The following IGSF21 variants were observed in gnomAD, a reference collection of about 807,000 sequenced individuals.
IGSF21 encodes the protein immunoglobin superfamily member 21, also known as immunoglobulin superfamily member 21.
In IGSF21, 28 loss-of-function variants were observed where a neutral mutation model predicts 46.8. The observed-to-expected ratio is 0.60, with a 90% CI of 0.44 to 0.82. IGSF21 has a LOEUF of 0.82. Among genes scored for constraint, IGSF21 ranks in the 40% least tolerant of loss-of-function variants. The pLI is 0.00. For synonymous variants in IGSF21, 284 were observed against 273.6 expected, an observed-to-expected ratio of 1.04 and a Z score of -0.38; for missense variants, 624 against 665.5, an observed-to-expected ratio of 0.94 and a Z score of 0.69.
At chr1:18,183,070 A>G (rs2086872140) in intron 1 of IGSF21, among the ~76,000 whole-genome samples, 1 of 152,094 alleles carries the variant, frequency 6.6e-6, no homozygotes, top group Non-Finnish European at 1.5e-5. Flanking sequence ...CGCCTCTGTA[A>G]TATCCTTTTT....
At chr1:18,343,983 G>A (rs771511885) in intron 4 of IGSF21, among the ~76,000 whole-genome samples, 1 of 152,192 alleles carries the variant, frequency 6.6e-6, no homozygotes, top group Non-Finnish European at 1.5e-5. Flanking sequence ...CAGAGGAAAA[G>A]AGGGTACAGA....
intron 4 of IGSF21, among the ~76,000 whole-genome samples, chr1:18,359,363 AAAGAAAGAAAGAAAGAAAGAAAGG>A (rs1433277846): frequency 0.025 from 2,204 of 89,508 alleles, 67 homozygotes; most frequent in Non-Finnish European, 0.037. Context: ...AGAAAGAAAG[AAAGAAAGAAAGAAAGAAAGAAAGG>A]AAGGAAGGAA....
At chr1:18,233,289 G>A (rs1380524994) in intron 2 of IGSF21, among the ~76,000 whole-genome samples, 1 of 152,210 alleles carries the variant, frequency 6.6e-6, no homozygotes, top group East Asian at 1.9e-4. Context: ...ACCTGGGTGT[G>A]TGTTTTGTGG....
intron 1 of IGSF21, among the ~76,000 whole-genome samples, chr1:18,117,190 G>A (rs114046210): frequency 0.018 from 2,784 of 152,298 alleles, 37 homozygotes; most frequent in Middle Eastern, 0.034. Context: ...CCAAAGAAAC[G>A]ATGGACTCCA....
At chr1:18,209,004 G>A (rs368134598) in intron 1 of IGSF21, among the ~76,000 whole-genome samples, 10 of 152,198 alleles carry the variant, frequency 6.6e-5, no homozygotes, top group African/African-American at 2.2e-4. Flanking sequence ...AGAAGTTATC[G>A]TGGGGGTGAA....
chr1:18,170,984 T>C (rs10907287), intron 1 of IGSF21, among the ~76,000 whole-genome samples: 80,612 of 151,838 alleles, frequency 0.53, 21,901 homozygotes, highest in African/African-American at 0.63. Flanking sequence ...GTGAGAGGCA[T>C]AGCATGAACA....
At chr1:18,146,840 T>C (rs2086471001) in intron 1 of IGSF21, among the ~76,000 whole-genome samples, 1 of 152,156 alleles carries the variant, frequency 6.6e-6, no homozygotes, top group African/African-American at 2.4e-5. Flanking sequence ...GATATGTAGA[T>C]GAGGAAAGTA....
chr1:18,155,565 G>T (rs1308658254), intron 1 of IGSF21, among the ~76,000 whole-genome samples: 1 of 152,250 alleles, frequency 6.6e-6, no homozygotes, highest in Non-Finnish European at 1.5e-5. Context: ...TCACGAAGGG[G>T]AAGAATGCAC....
At chr1:18,181,793 C>G (rs942789836) in intron 1 of IGSF21, among the ~76,000 whole-genome samples, 6 of 152,186 alleles carry the variant, frequency 3.9e-5, no homozygotes, top group African/African-American at 1.4e-4. Context: ...TTGGCCCAGG[C>G]AGCATTTGGG....
intron 1 of IGSF21, among the ~76,000 whole-genome samples, chr1:18,128,788 CTGTG>C (rs10534606): frequency 0.42 from 62,418 of 149,548 alleles, 13,593 homozygotes; most frequent in East Asian, 0.69. Flanking sequence ...TGCTCATTCG[CTGTG>C]TGTGTGTGTG....
intron 1 of IGSF21, among the ~76,000 whole-genome samples, chr1:18,218,733 A>G (rs960831100): frequency 1.3e-5 from 2 of 152,264 alleles, no homozygotes; most frequent in South Asian, 4.1e-4. Context: ...TCACATGGGG[A>G]AAGAAAATCA....
intron 1 of IGSF21, among the ~76,000 whole-genome samples, chr1:18,194,312 C>T (rs1186989811): frequency 6.6e-6 from 1 of 152,190 alleles, no homozygotes; most frequent in East Asian, 1.9e-4. Flanking sequence ...TACAAACAAT[C>T]CCCCTTTGAC....
At chr1:18,166,756 G>T (rs1222989878) in intron 1 of IGSF21, among the ~76,000 whole-genome samples, 2 of 152,154 alleles carry the variant, frequency 1.3e-5, no homozygotes, top group Non-Finnish European at 1.5e-5. Flanking sequence ...GAATGCATGG[G>T]CCAGGCCCTG....
intron 2 of IGSF21, among the ~76,000 whole-genome samples, chr1:18,271,106 G>A (rs2085038617): frequency 6.6e-6 from 1 of 152,154 alleles, no homozygotes. Flanking sequence ...TGCTCGCAGA[G>A]CTATGGGCAG....
intron 2 of IGSF21, among the ~76,000 whole-genome samples, chr1:18,259,062 G>T (rs1015266697): frequency 6.6e-6 from 1 of 152,122 alleles, no homozygotes; most frequent in Non-Finnish European, 1.5e-5. Context: ...AAATTAAATG[G>T]GTTTGGCCAC....
At chr1:18,236,541 C>T (rs189653311) in intron 2 of IGSF21, among the ~76,000 whole-genome samples, 10 of 152,268 alleles carry the variant, frequency 6.6e-5, no homozygotes, top group East Asian at 5.8e-4. Context: ...CTGCTGCAGC[C>T]GCTATTGAGG....
Position 18,273,369 on chromosome 1 carries a change from C to G in IGSF21, c.184-18497C>G, listed in dbSNP as rs1226649868. On this transcript the variant is annotated intron_variant, in intron 2 of 9. Coordinates refer to ENST00000251296, the MANE Select transcript of IGSF21 (RefSeq NM_032880.5). ...CCTTTCCTTTCCTTTCCTTTCCTTT[C>G]CTTTCCTTTCCTTTCCTTTCCTTTC... is the stretch of plus-strand genomic sequence containing the variant. 2.5e-3 allele frequency among the ~76,000 whole-genome samples: 349 copies of G among 138,152 alleles called. 1 individual carries two copies. The highest frequency in any genetic ancestry group is 9.2e-3 in the African/African-American group (331 of 36,068). 90.6% of individuals were successfully genotyped at this position (138,152 alleles called of 152,430 possible).
At chr1:18,261,476 C>T (rs1412292428) in intron 2 of IGSF21, among the ~76,000 whole-genome samples, 1 of 152,236 alleles carries the variant, frequency 6.6e-6, no homozygotes, top group South Asian at 2.1e-4. Context: ...GTCACTGCCC[C>T]CTTCCGTGGC....
intron 4 of IGSF21, among the ~76,000 whole-genome samples, chr1:18,340,340 G>A (rs1055333543): frequency 7.2e-5 from 11 of 152,128 alleles, no homozygotes; most frequent in Non-Finnish European, 1.5e-4. Context: ...AGCAATGTCA[G>A]GAAAAACCCA....
Sources: gnomAD v4.1 joint callset for allele counts (sites outside exome capture counted in the v4.1 genomes callset) on GRCh38, gnomAD v4.1.1 for gene constraint, MANE v1.5 for transcripts, NCBI Gene and HGNC (gene_info 2026-07-23, HGNC 2026-07-21) for gene names.